Variants in FRMPD4 observed in about 807,000 individuals in gnomAD.
The protein encoded by FRMPD4 is FERM and PDZ domain-containing protein 4.
In FRMPD4, 22 loss-of-function variants were observed where a neutral mutation model predicts 94.1. That is an observed-to-expected ratio of 0.23 (90% CI 0.17 to 0.33). FRMPD4 has a LOEUF of 0.33. Ranked by LOEUF, FRMPD4 falls within the 10% of genes least tolerant of loss-of-function variation. The probability of loss-of-function intolerance (pLI) is 1.00; values close to 1 mark genes in which losing one functional copy is unlikely to be tolerated. For synonymous variants in FRMPD4, 631 were observed against 548.6 expected (o/e 1.15, Z -2.10); for missense variants, 1,111 against 1,339.9 (o/e 0.83, Z 2.67).
chrX:12,554,646 C>G (rs1372676776), intron 2 of FRMPD4, among the ~76,000 whole-genome samples: 3 of 111,819 alleles, frequency 2.7e-5, no homozygotes, highest in Non-Finnish European at 5.6e-5. Context: ...GGGTTTCACT[C>G]TGTTGCCTAG....
intron 1 of FRMPD4, among the ~76,000 whole-genome samples, chrX:12,325,529 G>C (rs959713966): frequency 8.9e-6 from 1 of 112,661 alleles, no homozygotes; most frequent in African/African-American, 3.2e-5. Context: ...CACAATGACT[G>C]AACTCTGCCG....
intron 1 of FRMPD4, among the ~76,000 whole-genome samples, chrX:12,476,627 A>T (rs986662671): frequency 9.8e-5 from 11 of 112,063 alleles, no homozygotes; most frequent in Non-Finnish European, 1.9e-4. Context: ...AGAAAAAAAC[A>T]AACAACCCCA....
intron 2 of FRMPD4, among the ~76,000 whole-genome samples, chrX:12,517,645 T>G (rs2058115435): frequency 8.9e-6 from 1 of 112,628 alleles, no homozygotes. Flanking sequence ...GAATAAGGTA[T>G]CTGGTGACCC....
chrX:12,141,520 T>C (rs1289552743), intron 1 of FRMPD4, among the ~76,000 whole-genome samples: 1 of 111,748 alleles, frequency 8.9e-6, no homozygotes, highest in African/African-American at 3.3e-5. Context: ...TTCCAGAATC[T>C]ATACCCTTTT....
chrX:12,195,676 C>T (rs761390720), intron 1 of FRMPD4, among the ~76,000 whole-genome samples: 19 of 111,642 alleles, frequency 1.7e-4, no homozygotes, highest in Non-Finnish European at 2.5e-4. Flanking sequence ...GAAAAACAAC[C>T]GATTGTGTAG....
At chrX:12,200,795 T>C (rs2056622796) in intron 1 of FRMPD4, among the ~76,000 whole-genome samples, 1 of 112,643 alleles carries the variant, frequency 8.9e-6, no homozygotes, top group Admixed American at 9.4e-5. Context: ...TTTAACTCAT[T>C]ATTAATGAGG....
intron 2 of FRMPD4, 123 bp from the exon 3 acceptor site, chrX:12,609,598 C>T: frequency 1.7e-6 from 1 of 590,972 alleles, no homozygotes; most frequent in Non-Finnish European, 2.7e-6. Flanking sequence ...CTATGGGTCT[C>T]CCCAGATCTT....
At chrX:12,116,755 G>A (rs747909452) in intron 3 of FRMPD4, among the ~76,000 whole-genome samples, 1 of 111,861 alleles carries the variant, frequency 8.9e-6, no homozygotes, top group South Asian at 3.8e-4. Flanking sequence ...CTGATGCCAT[G>A]AGCACCTGAT....
intron 1 of FRMPD4, among the ~76,000 whole-genome samples, chrX:12,218,487 T>C (rs745515418): frequency 8.9e-6 from 1 of 111,993 alleles, no homozygotes; most frequent in Non-Finnish European, 1.9e-5. Context: ...GAATACAAAG[T>C]TGTCTGAGAA....
chrX:11,879,810 G>A (rs1037434439), intron 3 of FRMPD4, among the ~76,000 whole-genome samples: 6 of 111,879 alleles, frequency 5.4e-5, no homozygotes, highest in Admixed American at 9.5e-5. Context: ...TTATCATAGA[G>A]CCACAAGTGA....
intron 1 of FRMPD4, among the ~76,000 whole-genome samples, chrX:12,266,927 A>G (rs1373830416): frequency 8.9e-6 from 1 of 112,262 alleles, no homozygotes; most frequent in Non-Finnish European, 1.9e-5. Context: ...AATAGAAAGT[A>G]TATTTAATAC....
At chrX:11,893,570 T>C (rs2053886398) in intron 3 of FRMPD4, among the ~76,000 whole-genome samples, 1 of 112,385 alleles carries the variant, frequency 8.9e-6, no homozygotes, top group South Asian at 3.7e-4. Flanking sequence ...TTTGAGCATA[T>C]CAAAATACAT....
At chrX:12,550,415 T>C (rs985960912) in intron 2 of FRMPD4, among the ~76,000 whole-genome samples, 2 of 111,541 alleles carry the variant, frequency 1.8e-5, no homozygotes, top group Admixed American at 1.9e-4. Context: ...AGCATGCTCT[T>C]TGAAGAGTAA....
Position 12,669,165 on chromosome X carries a change from G to A in FRMPD4, c.423-5698G>A, listed in dbSNP as rs1414777386. The stretch of plus-strand genomic sequence containing the variant: ...TGTCAGCAGACTCCCTCCCTTGCTG[G>A]CTCTGATGAAGCAAGTTGCCACGTT... On this transcript the variant is annotated intron_variant, in intron 4 of 16. Transcript: ENST00000675598. 2.7e-5 allele frequency among the ~76,000 whole-genome samples: 3 copies of A among 111,800 alleles called. No homozygotes were observed. In the Admixed American group the frequency reaches 2.8e-4, roughly 11 times the overall value.
At chrX:12,699,053 G>A (rs913073533) in intron 9 of FRMPD4, among the ~76,000 whole-genome samples, 2 of 111,830 alleles carry the variant, frequency 1.8e-5, no homozygotes, top group Non-Finnish European at 3.8e-5. Context: ...AATCCATTAT[G>A]GCATAGCAGT....
intron 1 of FRMPD4, among the ~76,000 whole-genome samples, chrX:12,323,391 A>G (rs1297602286): frequency 8.9e-6 from 1 of 111,951 alleles, no homozygotes; most frequent in East Asian, 2.8e-4. Context: ...GATTGGTTAA[A>G]CCAGCAGGAG....
chrX:11,843,701 G>A (rs932517232), intron 1 of FRMPD4, among the ~76,000 whole-genome samples: 34 of 110,856 alleles, frequency 3.1e-4, no homozygotes, highest in Admixed American at 1.3e-3. Flanking sequence ...GGGACTACAG[G>A]CATGTATGAC....
At chrX:12,258,948 C>T (rs1250833943) in intron 1 of FRMPD4, among the ~76,000 whole-genome samples, 4 of 111,762 alleles carry the variant, frequency 3.6e-5, no homozygotes, top group Non-Finnish European at 7.5e-5. Flanking sequence ...TATCAACCAA[C>T]CTCTCTTCAT....
intron 1 of FRMPD4, among the ~76,000 whole-genome samples, chrX:12,422,502 C>T (rs774940044): frequency 2.2e-4 from 24 of 111,573 alleles, no homozygotes; most frequent in Admixed American, 1.6e-3. Flanking sequence ...AAACTAGGAT[C>T]GTTTGAAAGG....
Sources: allele counts gnomAD v4.1 joint callset (sites outside exome capture counted in the v4.1 genomes callset), GRCh38; gene constraint gnomAD v4.1.1; transcripts MANE v1.5; gene names NCBI Gene and HGNC (gene_info 2026-07-23, HGNC 2026-07-21).